Variants in STK3 observed in about 807,000 individuals in gnomAD.
STK3 encodes the protein serine/threonine-protein kinase 3.
Under a neutral mutation model 58.0 loss-of-function variants are expected in STK3, and 41 were observed. That is an observed-to-expected ratio of 0.71 (90% CI 0.55 to 0.92). STK3 has a LOEUF of 0.92. Ranked by LOEUF, STK3 falls within the 40% of genes least tolerant of loss-of-function variation. STK3 has a pLI of 0.00. For synonymous variants in STK3, 170 were observed against 191.0 expected (o/e 0.89, Z 0.91); for missense variants, 479 against 602.7 (o/e 0.79, Z 2.15).
intron 10 of STK3, among the ~76,000 whole-genome samples, chr8:98,464,497 C>T (rs1820269017): frequency 7.2e-6 from 1 of 138,976 alleles, no homozygotes; most frequent in African/African-American, 2.8e-5. Context: ...GGGCCTTTTG[C>T]CCATAAGGCT....
intron 3 of STK3, among the ~76,000 whole-genome samples, chr8:98,749,786 C>A (rs1315570819): frequency 1.3e-5 from 2 of 151,994 alleles, no homozygotes. Flanking sequence ...ATCTATATTT[C>A]CATGAGGCCA....
chr8:98,566,033 AT>A (rs1337699436), intron 8 of STK3, among the ~76,000 whole-genome samples: 1 of 152,140 alleles, frequency 6.6e-6, no homozygotes. Context: ...TCTGTTTGCA[AT>A]TTGTTTAATT....
intron 1 of STK3, among the ~76,000 whole-genome samples, chr8:98,794,672 C>A (rs1564007893): frequency 1.3e-5 from 2 of 152,112 alleles, no homozygotes; most frequent in African/African-American, 4.8e-5. Context: ...TCGAAGGATG[C>A]ATCACCCTGA....
At chr8:98,931,768 C>T (rs958690125) in intron 1 of STK3, among the ~76,000 whole-genome samples, 2 of 152,202 alleles carry the variant, frequency 1.3e-5, no homozygotes, top group Admixed American at 6.5e-5. Context: ...CAACAATCTC[C>T]TTTCCTGGAT....
the STK3 span, among the ~76,000 whole-genome samples, chr8:98,365,985 T>C: frequency 6.6e-6 from 1 of 152,194 alleles, no homozygotes. Flanking sequence ...GCAGTATTTA[T>C]AAAACATGTA....
At chr8:98,758,209 T>C (rs906922608) in intron 3 of STK3, among the ~76,000 whole-genome samples, 12 of 152,220 alleles carry the variant, frequency 7.9e-5, no homozygotes, top group African/African-American at 2.9e-4. Context: ...TAGCTGAATT[T>C]TGCTAAACGT....
At chr8:98,818,228 A>C (rs577927954) in intron 1 of STK3, among the ~76,000 whole-genome samples, 1 of 152,306 alleles carries the variant, frequency 6.6e-6, no homozygotes, top group East Asian at 1.9e-4. Context: ...CTTTCTCTAC[A>C]CACTACTTAT....
intron 4 of STK3, among the ~76,000 whole-genome samples, chr8:98,710,667 C>A (rs1481998381): frequency 1.3e-5 from 2 of 152,248 alleles, no homozygotes; most frequent in Non-Finnish European, 2.9e-5. Flanking sequence ...GTGCAGCCCA[C>A]CACAGCTCAA....
At chr8:98,764,819 G>C (rs937628895) in intron 3 of STK3, among the ~76,000 whole-genome samples, 1 of 152,114 alleles carries the variant, frequency 6.6e-6, no homozygotes, top group African/African-American at 2.4e-5. Context: ...GCACTTAAAA[G>C]AGAAACTCAG....
At chr8:98,395,660 T>C (rs1817891301) in intron 3 of STK3, among the ~76,000 whole-genome samples, 1 of 151,984 alleles carries the variant, frequency 6.6e-6, no homozygotes, top group African/African-American at 2.4e-5. Flanking sequence ...AACTTTTTTG[T>C]TGTTGTTGGA....
intron 8 of STK3, among the ~76,000 whole-genome samples, chr8:98,571,993 A>G (rs1236884628): frequency 6.6e-6 from 1 of 152,350 alleles, no homozygotes; most frequent in East Asian, 1.9e-4. Flanking sequence ...TATAAATTCA[A>G]TTAACATCAT....
chr8:98,498,829 TCAATG>T (rs1289353546), intron 10 of STK3, among the ~76,000 whole-genome samples: 1 of 152,184 alleles, frequency 6.6e-6, no homozygotes, highest in African/African-American at 2.4e-5. Context: ...CCCCAATCTC[TCAATG>T]TTAGAGTGCC....
intron 3 of STK3, among the ~76,000 whole-genome samples, chr8:98,411,083 G>A (rs908784707): frequency 2.6e-5 from 4 of 152,154 alleles, no homozygotes; most frequent in East Asian, 1.9e-4. Context: ...ATTTGTACAC[G>A]CCTACTAAGT....
intron 8 of STK3, among the ~76,000 whole-genome samples, chr8:98,568,078 T>TA (rs1348929642): frequency 1.3e-5 from 2 of 151,358 alleles, no homozygotes; most frequent in East Asian, 3.9e-4. Flanking sequence ...GATAGATAGA[T>TA]AGATAGATAG....
intron 4 of STK3, among the ~76,000 whole-genome samples, chr8:98,729,755 T>C (rs780916976): frequency 6.6e-6 from 1 of 152,236 alleles, no homozygotes. Flanking sequence ...TTGTCCCATA[T>C]ATCAGATGAA....
chr8:98,460,346 AC>A (rs1311551477), intron 10 of STK3, among the ~76,000 whole-genome samples: 3 of 151,964 alleles, frequency 2.0e-5, no homozygotes, highest in African/African-American at 4.8e-5. Context: ...CAATGCCTGT[AC>A]CCCCATTGTG....
At chr8:98,582,876 G>A (rs1196618568) in intron 7 of STK3, among the ~76,000 whole-genome samples, 2 of 151,978 alleles carry the variant, frequency 1.3e-5, no homozygotes, top group Non-Finnish European at 2.9e-5. Context: ...GACTGAAAAC[G>A]GAATATCAAA....
chr8:98,456,386 G>A (rs749305843), intron 10 of STK3, among the ~76,000 whole-genome samples: 1 of 152,218 alleles, frequency 6.6e-6, no homozygotes, highest in Non-Finnish European at 1.5e-5. Flanking sequence ...GCTACTGAGT[G>A]CTACAATAAT....
chr8:98,605,351 T>C (rs1402883719), intron 6 of STK3, among the ~76,000 whole-genome samples: 1 of 151,826 alleles, frequency 6.6e-6, no homozygotes, highest in African/African-American at 2.4e-5. Flanking sequence ...GCAGGCTGTA[T>C]AGGAAGCATA....
Sources: allele counts gnomAD v4.1 joint callset (sites outside exome capture counted in the v4.1 genomes callset), GRCh38; gene constraint gnomAD v4.1.1; transcripts MANE v1.5; gene names NCBI Gene and HGNC (gene_info 2026-07-23, HGNC 2026-07-21).